KIAA0513: variants seen among roughly 807,000 people sequenced by gnomAD.
KIAA0513 encodes uncharacterized protein KIAA0513.
Under a neutral mutation model 56.5 loss-of-function variants are expected in KIAA0513, and 39 were observed. The ratio of observed to expected loss-of-function variants is 0.69; its 90% CI spans 0.53 to 0.90. The LOEUF is 0.90. KIAA0513 is among the 40% of genes least tolerant of loss of function. The pLI is 0.00. For synonymous variants in KIAA0513, 268 were observed against 215.6 expected (o/e 1.24, Z -2.13); for missense variants, 591 against 535.2 (o/e 1.10, Z -1.03).
intron 1 of KIAA0513, among the ~76,000 whole-genome samples, chr16:85,045,880 C>A (rs186186269): frequency 1.3e-5 from 2 of 152,206 alleles, no homozygotes; most frequent in African/African-American, 4.8e-5. Context: ...ATCTGCCCAT[C>A]TGGCTTGGAC....
Position 85,071,816 on chromosome 16 carries a change from T to C in KIAA0513, c.363T>C (p.Phe121=). 6 of 1,612,052 alleles carry C rather than the reference T, an allele frequency of 3.7e-6. No homozygotes were observed. Among genetic ancestry groups the C allele is most frequent in the African/African-American group, 1.3e-5 (1 of 74,424 alleles). ...TGGATCAGGAGGAGAAAGCCAAGTTTGGAGAGTACTGCAGCAGTGAAAATG... is the reference window on the plus strand; with the variant it reads ...TGGATCAGGAGGAGAAAGCCAAGTTCGGAGAGTACTGCAGCAGTGAAAATG... ...EDLDQEEKAK[F]GEYCSSENGK... Residue 121 remains phenylalanine (F), a synonymous_variant, in exon 3 of 13, where the codon TTT becomes TTC. Transcript: ENST00000683363.
chr16:85,052,032 G>C (rs897546007), intron 1 of KIAA0513, among the ~76,000 whole-genome samples: 2 of 151,706 alleles, frequency 1.3e-5, no homozygotes, highest in African/African-American at 4.8e-5. Context: ...TTTCTAAAAC[G>C]ACGCATTGGC....
Position 85,067,234 on chromosome 16 carries a change from A to G in KIAA0513, c.163A>G (p.Asn55Asp), listed in dbSNP as rs1374446744. The change falls in exon 2 of 13, where the codon AAT becomes GAT. Residue 55 changes from asparagine to aspartate, a missense_variant. Asn to Asp is a conservative substitution (Grantham distance 23, BLOSUM62 1). Coordinates refer to ENST00000683363, the MANE Select transcript of KIAA0513 (RefSeq NM_001388359.1). ...GACCACTGAGTCTGCGGACAGTGAGAATGACATGGGCGAGTCGCCCTCGCA... is the reference window on the plus strand; with the variant it reads ...GACCACTGAGTCTGCGGACAGTGAGGATGACATGGGCGAGTCGCCCTCGCA... ...SETTESADSE[N>D]DMGESPSHPS... The G allele has an allele frequency of 6.8e-6, 11 of 1,614,122 alleles. No homozygotes were observed. Among genetic ancestry groups the G allele is most frequent in the Non-Finnish European group, 9.3e-6 (11 of 1,179,992 alleles).
rs942183878 is a variant in KIAA0513 at position 85,088,516 on chromosome 16, C to G, written c.*191C>G. The G allele has an allele frequency of 2.0e-5, 12 of 589,450 alleles. No homozygotes were observed. The East Asian group carries it at 2.3e-4, about 11-fold the overall frequency. The allele number at this position is 589,450 out of a possible 1,614,324, so 36.5% of individuals were successfully genotyped here. Reference sequence around the variant, plus strand: ...ATCTCCTCTGCCTGTGTCTGCGACCCCCATCCATGTGCCAAAGTGTCCCTT... The same window carrying G: ...ATCTCCTCTGCCTGTGTCTGCGACCGCCATCCATGTGCCAAAGTGTCCCTT... On this transcript the variant is annotated 3_prime_UTR_variant, in exon 13 of 13. Transcript: ENST00000683363.
At chr16:85,027,998 G>C (rs1460129936) in intron 1 of KIAA0513, 140 bp downstream of exon 1, 1 of 152,274 alleles carries the variant, frequency 6.6e-6, no homozygotes, top group Non-Finnish European at 1.5e-5. Flanking sequence ...CGGGGAGGGA[G>C]GAGGGGTCCG....
rs2073867312 is a variant in KIAA0513 at position 85,091,529 on chromosome 16, C to G, written c.*3204C>G. The G allele has an allele frequency of 1.3e-5, 2 of 152,154 alleles. No individual in the cohort carries two copies. The highest frequency in any genetic ancestry group is 6.5e-5 in the Admixed American group (1 of 15,284). 9.4% of individuals were successfully genotyped at this position (152,154 alleles called of 1,614,324 possible). A position where few individuals can be genotyped will look rare whatever the true frequency, so the allele number is the denominator to read the frequency against. On this transcript the variant is annotated 3_prime_UTR_variant, in exon 13 of 13. Coordinates refer to ENST00000683363, the MANE Select transcript of KIAA0513 (RefSeq NM_001388359.1). ...GAGTCCAGTTTCTGAGCTCTGTACC[C>G]AAATTAAAATCCTGATGTTCAGGTT...
chr16:85,079,278 C>G (rs1351861207), intron 8 of KIAA0513: 2 of 506,662 alleles, frequency 3.9e-6, no homozygotes, highest in Middle Eastern at 5.6e-4. Context: ...TACTCTGTGA[C>G]CCAGCAGCTC....
intron 8 of KIAA0513, 80 bp downstream of exon 8, chr16:85,079,083 C>G: frequency 3.1e-6 from 5 of 1,606,860 alleles, no homozygotes; most frequent in Non-Finnish European, 4.3e-6. Context: ...TTCTAGCTGC[C>G]TTTGTCCCCA....
intron 1 of KIAA0513, among the ~76,000 whole-genome samples, chr16:85,033,261 C>G (rs2143832963): frequency 6.6e-6 from 1 of 152,288 alleles, no homozygotes; most frequent in East Asian, 1.9e-4. Context: ...CTCCTCACTT[C>G]TGATTGCAGA....
At chr16:85,042,920 C>G (rs550195935) in intron 1 of KIAA0513, among the ~76,000 whole-genome samples, 10 of 152,132 alleles carry the variant, frequency 6.6e-5, no homozygotes, top group African/African-American at 2.4e-4. Flanking sequence ...AATTGCCATC[C>G]TTTTATTCAA....
chr16:85,050,902 T>C (rs1217085308), intron 1 of KIAA0513, among the ~76,000 whole-genome samples: 3 of 152,162 alleles, frequency 2.0e-5, no homozygotes, highest in Admixed American at 6.5e-5. Context: ...ATGCCTGTAA[T>C]CCCAGCACTT....
At chr16:85,059,770 G>C (rs895140319) in intron 1 of KIAA0513, among the ~76,000 whole-genome samples, 9 of 152,224 alleles carry the variant, frequency 5.9e-5, no homozygotes, top group African/African-American at 2.2e-4. Flanking sequence ...AAGATCTTCA[G>C]CTTCGCCCTT....
At position 85,088,792 on chromosome 16, in the gene KIAA0513, C is replaced by T. The variant is rs1046271240; in HGVS notation, c.*467C>T. ...GGCCACCTTCCCTGCAATGGGTGCA[C>T]ACGCGGCTCCCATCCAGCCCTCTCA... On this transcript the variant is annotated 3_prime_UTR_variant, in exon 13 of 13. Coordinates refer to ENST00000683363, the MANE Select transcript of KIAA0513 (RefSeq NM_001388359.1). 1 of 166,334 alleles carries T rather than the reference C, an allele frequency of 6.0e-6. No individual in the cohort carries two copies. The highest frequency in any genetic ancestry group is 1.3e-5 in the Non-Finnish European group (1 of 76,776). The allele number at this position is 166,334 out of a possible 1,614,324, so 10.3% of individuals were successfully genotyped here.
intron 11 of KIAA0513, 22 bp from the exon 12 acceptor site, chr16:85,087,050 G>A (rs369635402): frequency 2.2e-5 from 35 of 1,611,612 alleles, no homozygotes; most frequent in African/African-American, 1.1e-4. Context: ...AGCGGGTGAC[G>A]CTCTTGGGGT....
At chr16:85,047,448 G>A (rs147939090) in intron 1 of KIAA0513, among the ~76,000 whole-genome samples, 326 of 152,248 alleles carry the variant, frequency 2.1e-3, no homozygotes, top group Middle Eastern at 6.8e-3. Context: ...GCTCTGCCAC[G>A]CTTCTCCCGT....
chr16:85,035,742 G>C (rs999647273), intron 1 of KIAA0513, among the ~76,000 whole-genome samples: 1 of 152,134 alleles, frequency 6.6e-6, no homozygotes, highest in African/African-American at 2.4e-5. Flanking sequence ...ACTTTGGGAG[G>C]CTGAGGCGGG....
intron 1 of KIAA0513, among the ~76,000 whole-genome samples, chr16:85,050,721 G>C (rs1215762870): frequency 6.6e-6 from 1 of 152,188 alleles, no homozygotes; most frequent in Non-Finnish European, 1.5e-5. Flanking sequence ...GGTTTGTTGT[G>C]GAGCCTTGTG....
At position 85,089,920 on chromosome 16, in the gene KIAA0513, A is replaced by T. The variant is rs2144121751; in HGVS notation, c.*1595A>T. Reference sequence around the variant, plus strand: ...GTGTCATCTGATGCATTTGGACCATATGCTGCCAGACTGCAGAACGGGGGA... The same window carrying T: ...GTGTCATCTGATGCATTTGGACCATTTGCTGCCAGACTGCAGAACGGGGGA... On this transcript the variant is annotated 3_prime_UTR_variant, in exon 13 of 13. Coordinates refer to ENST00000683363, the MANE Select transcript of KIAA0513 (RefSeq NM_001388359.1). The surrounding 1 kb of genome is among the most constrained non-coding windows in gnomAD (Gnocchi z 4.2). 6.6e-6 allele frequency: 1 copy of T among 152,276 alleles called. No individual in the cohort carries two copies. Among genetic ancestry groups the T allele is most frequent in the East Asian group, 2.0e-4 (1 of 5,128 alleles). 9.4% of individuals were successfully genotyped at this position (152,276 alleles called of 1,614,324 possible). A position where few individuals can be genotyped will look rare whatever the true frequency, so the allele number is the denominator to read the frequency against.
chr16:85,074,554 A>G (rs1335215673), intron 4 of KIAA0513, among the ~76,000 whole-genome samples: 4 of 152,122 alleles, frequency 2.6e-5, no homozygotes, highest in South Asian at 2.1e-4. Context: ...ACTTGGGCAT[A>G]TACTGGAAGA....
Sources: allele counts gnomAD v4.1 joint callset (sites outside exome capture counted in the v4.1 genomes callset), GRCh38; gene constraint gnomAD v4.1.1; non-coding constraint Gnocchi (gnomAD v3.1); transcripts MANE v1.5; gene names NCBI Gene and HGNC (gene_info 2026-07-23, HGNC 2026-07-21).